RANBP2: variants seen among roughly 807,000 people sequenced by gnomAD.
RANBP2 encodes E3 SUMO-protein ligase RanBP2.
RANBP2 carries 57 observed loss-of-function variants against 303.6 expected under a neutral mutation model. The observed-to-expected ratio is 0.19, with a 90% CI of 0.15 to 0.23. The LOEUF is 0.23. RANBP2 is among the 10% of genes least tolerant of loss of function. The pLI, the probability that RANBP2 is intolerant of heterozygous loss-of-function variation, is 1.00. For missense variants in RANBP2, 3,138 were observed against 3,780.8 expected (o/e 0.83, Z 4.46); for synonymous variants, 1,167 against 1,301.5 (o/e 0.90, Z 2.23).
chr2:108,884,389 G>T, the RANBP2 span: 2 of 152,172 alleles, frequency 1.3e-5, no homozygotes, highest in African/African-American at 2.4e-5. Flanking sequence ...GGCACAGAAT[G>T]GGCATTCACT....
the RANBP2 span, among the ~76,000 whole-genome samples, chr2:109,255,835 G>A: frequency 6.6e-6 from 1 of 152,216 alleles, no homozygotes; most frequent in Admixed American, 6.5e-5. Context: ...AATAGGCCGA[G>A]TTTTCAGAAA....
chr2:109,611,191 A>G, the RANBP2 span, among the ~76,000 whole-genome samples: 1 of 152,214 alleles, frequency 6.6e-6, no homozygotes, highest in African/African-American at 2.4e-5. Context: ...TTAACTCAAA[A>G]TGGGTCATAA....
chr2:108,873,195 T>G, the RANBP2 span, among the ~76,000 whole-genome samples: 2 of 152,216 alleles, frequency 1.3e-5, no homozygotes, highest in Admixed American at 1.3e-4. Flanking sequence ...CTTTCAAACA[T>G]GGGATTTCTT....
At chr2:109,453,299 A>G in the RANBP2 span, among the ~76,000 whole-genome samples, 1 of 152,212 alleles carries the variant, frequency 6.6e-6, no homozygotes, top group African/African-American at 2.4e-5. Flanking sequence ...CAGGCCCCCA[A>G]CACCCACAAG....
At chr2:109,299,937 G>A in the RANBP2 span, among the ~76,000 whole-genome samples, 15 of 152,204 alleles carry the variant, frequency 9.9e-5, no homozygotes, top group African/African-American at 3.6e-4. Flanking sequence ...CTTAGCAAAG[G>A]AATAGGATGA....
chr2:109,196,398 G>C, the RANBP2 span, among the ~76,000 whole-genome samples: 2 of 152,204 alleles, frequency 1.3e-5, no homozygotes, highest in Admixed American at 6.5e-5. Flanking sequence ...ATTTAATCCC[G>C]TGGCGGGCAG....
the RANBP2 span, among the ~76,000 whole-genome samples, chr2:109,346,240 G>T: frequency 1.3e-5 from 2 of 152,068 alleles, no homozygotes; most frequent in Non-Finnish European, 1.5e-5. Context: ...CTGTTTAATT[G>T]GTTAGTGGTG....
the RANBP2 span, among the ~76,000 whole-genome samples, chr2:108,848,489 T>G: frequency 6.6e-6 from 1 of 152,236 alleles, no homozygotes; most frequent in Non-Finnish European, 1.5e-5. Flanking sequence ...AATAGGTTGA[T>G]GAAGATTATT....
chr2:109,309,307 G>A, the RANBP2 span, among the ~76,000 whole-genome samples: 2 of 150,310 alleles, frequency 1.3e-5, no homozygotes, highest in African/African-American at 5.0e-5. Flanking sequence ...TTGCTTATCA[G>A]CTTAAGGAGA....
the RANBP2 span, among the ~76,000 whole-genome samples, chr2:109,207,475 T>C: frequency 6.6e-6 from 1 of 152,240 alleles, no homozygotes; most frequent in Admixed American, 6.5e-5. Flanking sequence ...TATGTAATAA[T>C]GTTATGCAGC....
At chr2:109,714,076 G>A in the RANBP2 span, among the ~76,000 whole-genome samples, 2 of 152,112 alleles carry the variant, frequency 1.3e-5, no homozygotes, top group African/African-American at 4.8e-5. Flanking sequence ...CTACATGGAG[G>A]TTCTTTTTTA....
At chr2:109,371,574 C>T in the RANBP2 span, 1 of 1,613,068 alleles carries the variant, frequency 6.2e-7, no homozygotes, top group Non-Finnish European at 8.5e-7. Context: ...CACGGTGGAC[C>T]CGGAACTGCA....
chr2:109,125,198 C>T, the RANBP2 span, among the ~76,000 whole-genome samples: 2 of 152,216 alleles, frequency 1.3e-5, no homozygotes, highest in South Asian at 2.1e-4. Context: ...GCTGAACTCT[C>T]GGTGCTTCCT....
chr2:109,094,196 G>C, the RANBP2 span, among the ~76,000 whole-genome samples: 1 of 152,120 alleles, frequency 6.6e-6, no homozygotes, highest in Non-Finnish European at 1.5e-5. Context: ...TGAGAGATGA[G>C]ACTATCATGG....
the RANBP2 span, among the ~76,000 whole-genome samples, chr2:108,938,666 A>T: frequency 6.6e-6 from 1 of 152,210 alleles, no homozygotes; most frequent in African/African-American, 2.4e-5. Flanking sequence ...TGAAAAAAAA[A>T]ATCCCTACTT....
chr2:109,009,526 T>G, the RANBP2 span, among the ~76,000 whole-genome samples: 1 of 151,794 alleles, frequency 6.6e-6, no homozygotes, highest in Admixed American at 6.6e-5. Flanking sequence ...TTGCGTTTGT[T>G]TGTTTGTTTT....
the RANBP2 span, among the ~76,000 whole-genome samples, chr2:109,370,211 CTCTG>C: frequency 3.6e-4 from 54 of 149,426 alleles, no homozygotes; most frequent in African/African-American, 1.3e-3. Flanking sequence ...CTGTCTCTGT[CTCTG>C]TCTCTGTCTC....
At chr2:109,614,153 A>C in the RANBP2 span, 44 of 1,195,770 alleles carry the variant, frequency 3.7e-5, no homozygotes, top group Non-Finnish European at 4.6e-5. Flanking sequence ...CGGCGCGAGG[A>C]ATGCAGGCGG....
At chr2:108,873,441 T>G in the RANBP2 span, 1 of 1,573,720 alleles carries the variant, frequency 6.4e-7, no homozygotes, top group Non-Finnish European at 8.6e-7. Context: ...ACTGTTGATT[T>G]GTTTTGCAGA....
Sources: gnomAD v4.1 joint callset for allele counts (sites outside exome capture counted in the v4.1 genomes callset) on GRCh38, gnomAD v4.1.1 for gene constraint, MANE v1.5 for transcripts, NCBI Gene and HGNC (gene_info 2026-07-23, HGNC 2026-07-21) for gene names.